Variants in WDR49 observed in about 807,000 individuals in gnomAD.
The protein encoded by WDR49 is cilia- and flagella-associated protein 337.
WDR49 carries 107 observed loss-of-function variants against 119.5 expected under a neutral mutation model. The observed-to-expected ratio is 0.90, with a 90% confidence interval of 0.77 to 1.05. WDR49 has a LOEUF of 1.05. WDR49 is among the 50% of genes least tolerant of loss of function. The probability of loss-of-function intolerance (pLI) is 0.00; values close to 1 mark genes in which losing one functional copy is unlikely to be tolerated. For synonymous variants in WDR49, 425 were observed against 418.8 expected (o/e 1.01, Z -0.18); for missense variants, 1,240 against 1,220.5 (o/e 1.02, Z -0.24).
intron 5 of WDR49, among the ~76,000 whole-genome samples, chr3:167,613,408 C>T (rs1462441757): frequency 6.6e-6 from 1 of 152,154 alleles, no homozygotes. Context: ...TTTCCTCAAA[C>T]CAAGGCCACT....
intron 18 of WDR49, among the ~76,000 whole-genome samples, chr3:167,499,358 G>A (rs1165645283): frequency 2.6e-5 from 4 of 152,122 alleles, no homozygotes; most frequent in African/African-American, 9.7e-5. Context: ...TAGAAGTTTT[G>A]AAACCACAGA....
Position 167,620,546 on chromosome 3 carries a change from C to A in WDR49, c.841G>T (p.Ala281Ser), listed in dbSNP as rs774146678. 2.1e-5 allele frequency: 33 copies of A among 1,535,444 alleles called. No homozygotes were observed. The highest frequency in any genetic ancestry group is 2.7e-5 in the Non-Finnish European group (31 of 1,146,530). The change falls in exon 5 of 19, where the codon GCA becomes TCA. Residue 281 changes from alanine (A) to serine (S), a missense_variant. Physicochemically the swap from Ala to Ser is moderately conservative, Grantham distance 99. Coordinates refer to ENST00000682715, the MANE Select transcript of WDR49 (RefSeq NM_001366157.1). The part of the protein sequence containing the change: ...LISLFERPAS[A>S]CEDGEATMTI... ...ATAGTGGCTTCTCCATCTTCACATG[C>A]ACTAGCAGGCCGTTCAAACAGGGAA...
At chr3:167,550,763 G>GT (rs1308991677) in intron 10 of WDR49, among the ~76,000 whole-genome samples, 1,914 of 135,712 alleles carry the variant, frequency 0.014, 40 homozygotes, top group African/African-American at 0.043. Context: ...GAACTAGGAG[G>GT]TTTTTTTTTT....
In WDR49 at chr3:167,625,394, GATA is replaced by G. The variant is rs976452414; in HGVS notation, c.606+1455_606+1457del. On this transcript the variant is annotated intron_variant, in intron 3 of 18. Coordinates refer to ENST00000682715, the MANE Select transcript of WDR49 (RefSeq NM_001366157.1). Reference sequence around the variant, plus strand: ...AAACCCATTATTTTTCAATTATACTGATAATAATAATAATAGTACTCATTGTTT... The same window carrying G: ...AAACCCATTATTTTTCAATTATACTGATAATAATAATAGTACTCATTGTTT... Among the ~76,000 whole-genome samples, 7 of 151,716 alleles carry G rather than the reference GATA, an allele frequency of 4.6e-5. No individual in the cohort carries two copies. The East Asian group carries it at 5.8e-4, about 13-fold the overall frequency.
At chr3:167,609,513 C>T (rs1179587876) in intron 5 of WDR49, among the ~76,000 whole-genome samples, 1 of 152,170 alleles carries the variant, frequency 6.6e-6, no homozygotes, top group Non-Finnish European at 1.5e-5. Context: ...AGAGGGGAAT[C>T]GCCCAGCCCA....
At position 167,615,434 on chromosome 3, in the gene WDR49, C is replaced by T. The variant is rs371625538; in HGVS notation, c.958+4995G>A. Among the ~76,000 whole-genome samples, 111 of 143,558 alleles carry T rather than the reference C, an allele frequency of 7.7e-4. 1 individual carries two copies. The highest frequency in any genetic ancestry group is 2.6e-3 in the African/African-American group (100 of 38,028). 94.2% of individuals were successfully genotyped at this position (143,558 alleles called of 152,430 possible). A position where few individuals can be genotyped will look rare whatever the true frequency, so the allele number is the denominator to read the frequency against. ...TACAGGCGTGGACCACCACTCCCGG[C>T]TCTCCATTTAAAAAAAAAAAAAAAA... On this transcript the variant is annotated intron_variant, in intron 5 of 18. Coordinates refer to ENST00000682715, the MANE Select transcript of WDR49 (RefSeq NM_001366157.1).
At chr3:167,614,497 C>T (rs1347032081) in intron 5 of WDR49, among the ~76,000 whole-genome samples, 4 of 152,144 alleles carry the variant, frequency 2.6e-5, no homozygotes, top group African/African-American at 9.7e-5. Flanking sequence ...CTCTGAAATT[C>T]AAGACGTTTA....
chr3:167,622,564 T>C (rs1022900944), intron 3 of WDR49, among the ~76,000 whole-genome samples: 1 of 152,092 alleles, frequency 6.6e-6, no homozygotes, highest in Non-Finnish European at 1.5e-5. Flanking sequence ...AGCCCCGTAA[T>C]ACAGAAGCAA....
Position 167,528,036 on chromosome 3 carries a change from C to T in WDR49, c.2407-19G>A, listed in dbSNP as rs758116484. ...AGTACTCCTGAATGAAAAGAAATAC[C>T]AGAACTCTAAAAAATTCAAATATGA... On this transcript the variant is annotated intron_variant, in intron 14 of 18. Coordinates refer to ENST00000682715, the MANE Select transcript of WDR49 (RefSeq NM_001366157.1). The T allele has an allele frequency of 3.5e-5, 56 of 1,591,114 alleles. No homozygotes were observed. In the African/African-American group the frequency reaches 6.2e-4, roughly 18 times the overall value.
chr3:167,622,676 G>A (rs974748454), intron 3 of WDR49, among the ~76,000 whole-genome samples: 1 of 151,918 alleles, frequency 6.6e-6, no homozygotes, highest in African/African-American at 2.4e-5. Context: ...GCTGAAGATC[G>A]GTAAGAAAAT....
chr3:167,608,494 G>A (rs1371026365), intron 5 of WDR49, among the ~76,000 whole-genome samples: 2 of 152,082 alleles, frequency 1.3e-5, no homozygotes, highest in African/African-American at 4.8e-5. Flanking sequence ...ACATTTATGG[G>A]CCTGCAGTGC....
intron 9 of WDR49, among the ~76,000 whole-genome samples, chr3:167,557,752 C>CA (rs547560541): frequency 0.041 from 4,377 of 105,924 alleles, 212 homozygotes; most frequent in African/African-American, 0.14. Flanking sequence ...GACTCCGTCT[C>CA]AAAAAAAAAA....
chr3:167,573,840 G>A (rs1714082145), intron 8 of WDR49, among the ~76,000 whole-genome samples: 7 of 152,094 alleles, frequency 4.6e-5, no homozygotes, highest in Admixed American at 4.6e-4. Flanking sequence ...CACGATGTCT[G>A]CAAAGTATTC....
intron 8 of WDR49, among the ~76,000 whole-genome samples, chr3:167,563,681 C>T (rs1390313609): frequency 6.6e-6 from 1 of 152,102 alleles, no homozygotes. Flanking sequence ...TACACATACA[C>T]GATGTATAAT....
At chr3:167,518,742 G>A (rs979484677) in intron 16 of WDR49, among the ~76,000 whole-genome samples, 27 of 149,102 alleles carry the variant, frequency 1.8e-4, no homozygotes, top group African/African-American at 5.7e-4. Flanking sequence ...AGTTTAATTA[G>A]ATCCCATTTG....
intron 2 of WDR49, among the ~76,000 whole-genome samples, chr3:167,651,742 C>G (rs575472148): frequency 1.3e-5 from 2 of 152,206 alleles, no homozygotes; most frequent in South Asian, 4.1e-4. Context: ...AATAAGTGGT[C>G]TGGCCTTTGA....
chr3:167,494,666 T>G (rs2108202820), intron 18 of WDR49, among the ~76,000 whole-genome samples: 1 of 152,304 alleles, frequency 6.6e-6, no homozygotes, highest in South Asian at 2.1e-4. Context: ...TGCATTCGAC[T>G]GAGAGACTCT....
chr3:167,637,723 G>A (rs1315688365), intron 2 of WDR49, among the ~76,000 whole-genome samples: 1 of 151,486 alleles, frequency 6.6e-6, no homozygotes, highest in Non-Finnish European at 1.5e-5. Flanking sequence ...TCCTTGGTTA[G>A]GTATGTTCCT....
In WDR49 at chr3:167,480,979, A is replaced by C. The variant is rs1750698528; in HGVS notation, c.3032-1983T>G. The stretch of plus-strand genomic sequence containing the variant: ...CACATGAGTCATTTTTTGCTAAAGC[A>C]GTCTGTCCCCATGGGTTGTAAAACT... On this transcript the variant is annotated intron_variant, in intron 18 of 18. Transcript: ENST00000682715. Among the ~76,000 whole-genome samples, 5 of 152,046 alleles carry C rather than the reference A, an allele frequency of 3.3e-5. No individual in the cohort carries two copies. The South Asian group carries it at 1.0e-3, about 32-fold the overall frequency.
Sources: gnomAD v4.1 joint callset for allele counts (sites outside exome capture counted in the v4.1 genomes callset) on GRCh38, gnomAD v4.1.1 for gene constraint, MANE v1.5 for transcripts, NCBI Gene and HGNC (gene_info 2026-07-23, HGNC 2026-07-21) for gene names.